The following TENM3 variants were observed in gnomAD, a reference collection of about 807,000 sequenced individuals.
TENM3 encodes the protein teneurin transmembrane protein 3.
TENM3 carries 63 observed loss-of-function variants against 255.1 expected under a neutral mutation model. The ratio of observed to expected loss-of-function variants is 0.25; its 90% CI spans 0.20 to 0.30. TENM3 has a LOEUF of 0.30. TENM3 is among the 10% of genes least tolerant of loss of function. The pLI is 1.00. For synonymous variants in TENM3, 1,306 were observed against 1,322.3 expected, an observed-to-expected ratio of 0.99 and a Z score of 0.27; for missense variants, 2,929 against 3,461.1, an observed-to-expected ratio of 0.85 and a Z score of 3.86.
the TENM3 span, among the ~76,000 whole-genome samples, chr4:181,541,640 C>T: frequency 6.6e-6 from 1 of 152,126 alleles, no homozygotes; most frequent in Non-Finnish European, 1.5e-5. Flanking sequence ...TGTAAGATGC[C>T]AAGGATGGCC....
chr4:182,036,230 C>T, the TENM3 span, among the ~76,000 whole-genome samples: 6 of 151,988 alleles, frequency 3.9e-5, no homozygotes, highest in African/African-American at 1.2e-4. Flanking sequence ...CTTGCTCTAT[C>T]GCCCAGGCTG....
chr4:182,199,911 G>T (rs1228694915), intron 1 of TENM3, among the ~76,000 whole-genome samples: 2 of 151,874 alleles, frequency 1.3e-5, no homozygotes, highest in Admixed American at 1.3e-4. Flanking sequence ...ACTTTTTGTA[G>T]AGACAGGGTT....
chr4:182,770,775 T>A (rs1308210021), intron 22 of TENM3, among the ~76,000 whole-genome samples: 2 of 152,206 alleles, frequency 1.3e-5, no homozygotes, highest in African/African-American at 4.8e-5. Flanking sequence ...TTTCACAATA[T>A]CCTCACGCTT....
chr4:181,831,900 C>T, the TENM3 span, among the ~76,000 whole-genome samples: 6,478 of 151,906 alleles, frequency 0.043, 247 homozygotes, highest in East Asian at 0.18. Flanking sequence ...TAATTCAGCA[C>T]ACTCTGTGTC....
rs563618667 is a variant in TENM3, at chr4:182,277,362, GT to G, written c.-76+33893del. Among the ~76,000 whole-genome samples, 30 of 152,086 alleles carry G rather than the reference GT, an allele frequency of 2.0e-4. No individual in the cohort carries two copies. In the East Asian group the frequency reaches 5.0e-3, roughly 25 times the overall value. Reference sequence around the variant, plus strand: ...GTAGAGTTGGGGGGTGGGGGTTGTTGTTTTTTTAATTTTTTTATTGTCTTCT... The same window carrying G: ...GTAGAGTTGGGGGGTGGGGGTTGTTGTTTTTTAATTTTTTTATTGTCTTCT... On this transcript the variant is annotated intron_variant, in intron 1 of 27. Transcript: ENST00000511685.
the TENM3 span, among the ~76,000 whole-genome samples, chr4:182,117,729 A>G: frequency 4.6e-5 from 7 of 152,218 alleles, no homozygotes; most frequent in Non-Finnish European, 1.0e-4. Context: ...GTTGAATAGC[A>G]TCAGTCCTCT....
At chr4:182,772,729 C>T (rs760962162) in intron 22 of TENM3, 20 of 151,736 alleles carry the variant, frequency 1.3e-4, no homozygotes, top group Non-Finnish European at 2.4e-4. Flanking sequence ...ATAAGTTACT[C>T]TTGTATTTGT....
the TENM3 span, among the ~76,000 whole-genome samples, chr4:181,464,549 G>C: frequency 6.6e-6 from 1 of 152,158 alleles, no homozygotes; most frequent in African/African-American, 2.4e-5. Context: ...CTAGGTGCAA[G>C]TTCCCTTATC....
At chr4:182,730,761 A>G (rs1014593224) in intron 15 of TENM3, 117 bp from the exon 16 acceptor site, 11 of 1,095,280 alleles carry the variant, frequency 1.0e-5, no homozygotes, top group African/African-American at 1.6e-5. Flanking sequence ...AATATTTCAT[A>G]TAAAAGTTGG....
At chr4:182,625,311 G>A (rs1010686240) in intron 4 of TENM3, among the ~76,000 whole-genome samples, 1 of 152,160 alleles carries the variant, frequency 6.6e-6, no homozygotes, top group Non-Finnish European at 1.5e-5. Flanking sequence ...GTGGCAGTCG[G>A]GGGAGGGAGC....
At chr4:181,660,981 C>T in the TENM3 span, among the ~76,000 whole-genome samples, 1 of 152,104 alleles carries the variant, frequency 6.6e-6, no homozygotes, top group Non-Finnish European at 1.5e-5. Context: ...CAACAAGCTT[C>T]TAGGAGCACC....
chr4:182,693,740 C>T (rs1228830083), intron 12 of TENM3, among the ~76,000 whole-genome samples: 1 of 152,142 alleles, frequency 6.6e-6, no homozygotes, highest in East Asian at 1.9e-4. Context: ...ACTGAGTGAC[C>T]TTGGGCAAGT....
the TENM3 span, among the ~76,000 whole-genome samples, chr4:181,674,415 G>GAA: frequency 0.15 from 21,904 of 146,952 alleles, 1,949 homozygotes; most frequent in East Asian, 0.21. Context: ...CATGGTCTAT[G>GAA]AAAAAAAAAA....
the TENM3 span, among the ~76,000 whole-genome samples, chr4:182,050,288 T>C: frequency 7.9e-5 from 12 of 151,136 alleles, no homozygotes; most frequent in South Asian, 2.6e-3. Flanking sequence ...CCACCACACC[T>C]GGCCTAAAAA....
intron 1 of TENM3, among the ~76,000 whole-genome samples, chr4:182,197,568 G>C (rs1340924909): frequency 6.6e-6 from 1 of 152,098 alleles, no homozygotes; most frequent in East Asian, 1.9e-4. Context: ...GAAATAATAA[G>C]TTGCAGCTCA....
the TENM3 span, among the ~76,000 whole-genome samples, chr4:181,573,842 C>G: frequency 3.3e-5 from 5 of 152,264 alleles, no homozygotes; most frequent in South Asian, 1.0e-3. Flanking sequence ...ATGTGCTGAG[C>G]AAACCCCCTT....
At chr4:182,612,311 C>T (rs1334053883) in intron 4 of TENM3, among the ~76,000 whole-genome samples, 6 of 151,632 alleles carry the variant, frequency 4.0e-5, no homozygotes, top group Admixed American at 3.9e-4. Flanking sequence ...CACCACAACT[C>T]ATCGCGAAAC....
At chr4:181,812,132 T>C in the TENM3 span, among the ~76,000 whole-genome samples, 3 of 152,204 alleles carry the variant, frequency 2.0e-5, no homozygotes, top group African/African-American at 7.2e-5. Flanking sequence ...TCTGGCCAAA[T>C]ATTTTGGCTC....
At chr4:182,406,312 A>T (rs1311775625) in intron 3 of TENM3, among the ~76,000 whole-genome samples, 3 of 150,860 alleles carry the variant, frequency 2.0e-5, no homozygotes, top group Admixed American at 1.3e-4. Context: ...CAAAAAAAAT[A>T]AAAATAAAAA....
Sources: allele counts gnomAD v4.1 joint callset (sites outside exome capture counted in the v4.1 genomes callset), GRCh38; gene constraint gnomAD v4.1.1; transcripts MANE v1.5; gene names NCBI Gene and HGNC (gene_info 2026-07-23, HGNC 2026-07-21).